The following CCDC122 variants were observed in gnomAD, a reference collection of about 807,000 sequenced individuals.
CCDC122 encodes the protein coiled-coil domain-containing protein 122.
In CCDC122, 38 loss-of-function variants were observed where a neutral mutation model predicts 37.0. The observed-to-expected ratio is 1.03, with a 90% CI of 0.79 to 1.35. The LOEUF (loss-of-function observed/expected upper bound fraction) is 1.35. Among genes scored for constraint, CCDC122 ranks in the 40% most tolerant of loss-of-function variants. CCDC122 has a pLI of 0.00. For synonymous variants in CCDC122, 83 were observed against 95.6 expected, an observed-to-expected ratio of 0.87 and a Z score of 0.77; for missense variants, 305 against 310.0, an observed-to-expected ratio of 0.98 and a Z score of 0.12.
At position 43,836,423 on chromosome 13, in the gene CCDC122, T is replaced by A. The variant is rs1422411573; in HGVS notation, c.*857A>T. The A allele has an allele frequency of 1.3e-5, 2 of 152,168 alleles. No individual in the cohort carries two copies. Among genetic ancestry groups the A allele is most frequent in the South Asian group, 2.1e-4 (1 of 4,836 alleles). The allele number at this position is 152,168 out of a possible 1,614,324, so 9.4% of individuals were successfully genotyped here. Reference sequence around the variant, plus strand: ...TATGTTATTTTATAACAAAGAAAAATGATTGTTACCTTCTGGATAAAAGAG... The same window carrying A: ...TATGTTATTTTATAACAAAGAAAAAAGATTGTTACCTTCTGGATAAAAGAG... On this transcript the variant is annotated 3_prime_UTR_variant, in exon 7 of 7. Transcript: ENST00000444614.
rs576682265 is a variant in CCDC122, at chr13:43,841,444, G to T, written c.673-4015C>A. On this transcript the variant is annotated intron_variant, in intron 6 of 6. Coordinates refer to ENST00000444614, the MANE Select transcript of CCDC122 (RefSeq NM_144974.5). ...ACTTTCATCATTCTAGGGGTAAAAA[G>T]GTGTGAATAGTATCTCATTGTGGTT... is the stretch of plus-strand genomic sequence containing the variant. Among the ~76,000 whole-genome samples the T allele has an allele frequency of 2.6e-5, 4 of 152,212 alleles. No individual in the cohort carries two copies. In the South Asian group the frequency reaches 6.2e-4, roughly 24 times the overall value.
At chr13:43,855,128 C>G (rs1480568014) in intron 6 of CCDC122, 1 of 152,068 alleles carries the variant, frequency 6.6e-6, no homozygotes, top group South Asian at 2.1e-4. Context: ...CTAGCCAGAG[C>G]AATCAGGCAA....
intron 4 of CCDC122, among the ~76,000 whole-genome samples, chr13:43,862,571 A>G (rs1027908083): frequency 6.6e-6 from 1 of 152,196 alleles, no homozygotes; most frequent in African/African-American, 2.4e-5. Context: ...CTGACTAGAA[A>G]GTAAGCTCTG....
At chr13:43,870,402 T>A (rs1438516795) in intron 2 of CCDC122, among the ~76,000 whole-genome samples, 1 of 152,116 alleles carries the variant, frequency 6.6e-6, no homozygotes, top group Non-Finnish European at 1.5e-5. Context: ...TGAATCCAAA[T>A]CTGATTTTCT....
At chr13:43,829,240 A>G (rs1278156186) in intron 3 of CCDC122, among the ~76,000 whole-genome samples, 1 of 152,160 alleles carries the variant, frequency 6.6e-6, no homozygotes, top group African/African-American at 2.4e-5. Context: ...TCACACTATT[A>G]TGCTAGTGTT....
rs188371323 is a variant in CCDC122, at chr13:43,864,130, C to T, written c.157-4060G>A. Among the ~76,000 whole-genome samples the T allele has an allele frequency of 2.1e-4, 32 of 152,162 alleles. 1 individual carries two copies. The South Asian group carries it at 5.6e-3, about 27-fold the overall frequency. ...CCTTCTCTACTGAATTGCTTTGGTA[C>T]GTCTTCAAAAATCAATTGATATGTG... On this transcript the variant is annotated intron_variant, in intron 4 of 6. Transcript: ENST00000444614.
rs771530767 is a variant in CCDC122, at chr13:43,858,892, G to A, written c.561C>T (p.Asp187=). 7.1e-7 allele frequency: 1 copy of A among 1,398,982 alleles called. No homozygotes were observed. Among genetic ancestry groups the A allele is most frequent in the Non-Finnish European group, 9.6e-7 (1 of 1,042,594 alleles). The allele number at this position is 1,398,982 out of a possible 1,614,324, so 86.7% of individuals were successfully genotyped here. A position where few individuals can be genotyped will look rare whatever the true frequency, so the allele number is the denominator to read the frequency against. The change falls in exon 6 of 7, where the codon GAC becomes GAT. Residue 187 remains aspartate, a synonymous_variant. Coordinates refer to ENST00000444614, the MANE Select transcript of CCDC122 (RefSeq NM_144974.5). ...TAATTTTATCCTTTAAGTTTGTAAT[G>A]TCTTCCTGTATGTTGACAACATTTG... ...GGNRITQVQE[D]ITNLKDKIIT... is the part of the protein sequence containing the mutation.
downstream of CCDC122, among the ~76,000 whole-genome samples, chr13:43,819,152 T>A (rs1253463340): frequency 6.6e-6 from 1 of 152,196 alleles, no homozygotes; most frequent in Non-Finnish European, 1.5e-5. Flanking sequence ...TCTGACCTGT[T>A]ATGTAGGAAA....
intron 3 of CCDC122, among the ~76,000 whole-genome samples, chr13:43,827,114 A>G (rs1054041302): frequency 6.6e-6 from 1 of 152,202 alleles, no homozygotes; most frequent in Non-Finnish European, 1.5e-5. Flanking sequence ...AAACTCTTTT[A>G]AAGCATGGTT....
At position 43,826,426 on chromosome 13, in the gene CCDC122, A is replaced by C. The variant is rs1953041807; in HGVS notation, n.602-2415T>G. 2.0e-5 allele frequency among the ~76,000 whole-genome samples: 3 copies of C among 152,320 alleles called. No homozygotes were observed. In the South Asian group the frequency reaches 6.2e-4, roughly 32 times the overall value. ...GTGGTCGTTTATTTATTAGCTACCC[A>C]GTGCTTTTCCATTTTGCTATGTACA... On this transcript the variant is annotated intron_variant and non_coding_transcript_variant, in intron 3 of 3. Coordinates refer to the CCDC122 transcript ENST00000470137.
chr13:43,825,061 G>A (rs1953026937), intron 3 of CCDC122, among the ~76,000 whole-genome samples: 1 of 152,124 alleles, frequency 6.6e-6, no homozygotes, highest in South Asian at 2.1e-4. Flanking sequence ...ATACTCAAAG[G>A]AAAATAAATT....
intron 1 of CCDC122, chr13:43,877,773 CTTAA>C (rs1269957313): frequency 6.6e-6 from 1 of 152,128 alleles, no homozygotes; most frequent in Non-Finnish European, 1.5e-5. Flanking sequence ...TTTTTTCAAA[CTTAA>C]TTATGCATCT....
chr13:43,848,887 T>C (rs1422014894), intron 6 of CCDC122: 14 of 980,334 alleles, frequency 1.4e-5, no homozygotes, highest in Non-Finnish European at 1.6e-5. Flanking sequence ...TCAGAAGAGA[T>C]AGAAAAAAGA....
intron 4 of CCDC122, among the ~76,000 whole-genome samples, chr13:43,864,284 G>T (rs1236311435): frequency 6.6e-6 from 1 of 152,074 alleles, no homozygotes; most frequent in Non-Finnish European, 1.5e-5. Context: ...AAAGATATTT[G>T]GTCTTTGTTC....
intron 6 of CCDC122, 39 bp downstream of exon 6, chr13:43,858,742 G>T (rs764794974): frequency 8.5e-6 from 11 of 1,296,172 alleles, no homozygotes; most frequent in Non-Finnish European, 9.2e-6. Flanking sequence ...TTTAAAAATG[G>T]TCCCATAAAA....
chr13:43,839,419 G>T (rs1953271671), intron 6 of CCDC122, among the ~76,000 whole-genome samples: 1 of 152,166 alleles, frequency 6.6e-6, no homozygotes. Context: ...CCATGTAACA[G>T]AACTTAATTA....
downstream of CCDC122, among the ~76,000 whole-genome samples, chr13:43,820,191 T>A (rs902231368): frequency 6.6e-6 from 1 of 152,200 alleles, no homozygotes; most frequent in Non-Finnish European, 1.5e-5. Flanking sequence ...TAGAAACTGA[T>A]GATTTACTTA....
intron 2 of CCDC122, among the ~76,000 whole-genome samples, chr13:43,871,920 A>T (rs1954464778): frequency 6.6e-6 from 1 of 152,098 alleles, no homozygotes; most frequent in South Asian, 2.1e-4. Flanking sequence ...TGGAAGGCTC[A>T]TTCCTAGATT....
At chr13:43,833,347 T>G (rs1013013127), downstream of CCDC122, among the ~76,000 whole-genome samples, 4 of 152,214 alleles carry the variant, frequency 2.6e-5, no homozygotes, top group Non-Finnish European at 5.9e-5. Flanking sequence ...AGAAGTAATT[T>G]GTTTGCTTTG....
Sources: gnomAD v4.1 joint callset for allele counts (sites outside exome capture counted in the v4.1 genomes callset) on GRCh38, gnomAD v4.1.1 for gene constraint, MANE v1.5 for transcripts, NCBI Gene and HGNC (gene_info 2026-07-23, HGNC 2026-07-21) for gene names.